Variants in DPYSL5 observed in about 807,000 individuals in gnomAD.
DPYSL5 encodes dihydropyrimidinase like 5.
In DPYSL5, 9 loss-of-function variants were observed where a neutral mutation model predicts 58.4. The ratio of observed to expected loss-of-function variants is 0.15; its 90% CI spans 0.09 to 0.27. DPYSL5 has a LOEUF of 0.27. Among genes scored for constraint, DPYSL5 ranks in the 10% least tolerant of loss-of-function variants. The probability of loss-of-function intolerance (pLI) is 1.00; values close to 1 mark genes in which losing one functional copy is unlikely to be tolerated. For synonymous variants in DPYSL5, 293 were observed against 301.9 expected (o/e 0.97, Z 0.31); for missense variants, 499 against 770.6 (o/e 0.65, Z 4.17).
intron 8 of DPYSL5, among the ~76,000 whole-genome samples, chr2:26,935,996 G>A (rs1665164706): frequency 6.6e-6 from 1 of 152,242 alleles, no homozygotes; most frequent in South Asian, 2.1e-4. Context: ...TCTGCTCCCT[G>A]TGGCTCAGAG....
At position 26,877,891 on chromosome 2, in the gene DPYSL5, A is replaced by G. The variant is rs1460517150; in HGVS notation, c.-4-20605A>G. On this transcript the variant is annotated intron_variant, in intron 1 of 12. Transcript: ENST00000288699. The surrounding 1 kb of genome is among the most constrained non-coding windows in gnomAD (Gnocchi z 4.1). ...CTTTTCAATGGCTGCACAGCCCTCT[A>G]TTGTGTGAATATACCATTATTTATT... Among the ~76,000 whole-genome samples the G allele has an allele frequency of 1.3e-5, 2 of 152,204 alleles. No individual in the cohort carries two copies. The highest frequency in any genetic ancestry group is 2.9e-5 in the Non-Finnish European group (2 of 68,042).
rs1310071519 is a variant in DPYSL5 at position 26,898,547 on chromosome 2, G to A, written c.48G>A (p.Lys16=). Residue 16 remains lysine (K), a synonymous_variant, in exon 2 of 13, where the codon AAG becomes AAA. Transcript: ENST00000288699. The surrounding 1 kb of genome is among the most constrained non-coding windows in gnomAD (Gnocchi z 6.1). ...TGAGGATCCTCATCAAGGGAGGCAAGGTGGTGAACGATGACTGCACCCACG... is the reference window on the plus strand; with the variant it reads ...TGAGGATCCTCATCAAGGGAGGCAAAGTGGTGAACGATGACTGCACCCACG... ...ASVRILIKGG[K]VVNDDCTHEA... 6 of 1,614,104 alleles carry A rather than the reference G, an allele frequency of 3.7e-6. No individual in the cohort carries two copies. The highest frequency in any genetic ancestry group is 5.1e-6 in the Non-Finnish European group (6 of 1,180,046).
intron 1 of DPYSL5, among the ~76,000 whole-genome samples, chr2:26,864,015 G>A (rs1666082073): frequency 6.6e-6 from 1 of 152,080 alleles, no homozygotes; most frequent in African/African-American, 2.4e-5. Context: ...GGCCAAGGTG[G>A]GTGGATCATT....
At chr2:26,881,435 C>G (rs560820437) in intron 1 of DPYSL5, among the ~76,000 whole-genome samples, 1 of 152,330 alleles carries the variant, frequency 6.6e-6, no homozygotes, top group African/African-American at 2.4e-5. Flanking sequence ...GCTCACCCAC[C>G]TTGCTGCTCA....
chr2:26,854,657 C>T (rs980242813), intron 1 of DPYSL5, among the ~76,000 whole-genome samples: 1 of 152,172 alleles, frequency 6.6e-6, no homozygotes, highest in African/African-American at 2.4e-5. Flanking sequence ...GACCTCTTTT[C>T]TCGTCCAGGT....
chr2:26,900,352 T>C (rs934220378), intron 2 of DPYSL5, among the ~76,000 whole-genome samples: 2 of 152,256 alleles, frequency 1.3e-5, no homozygotes, highest in African/African-American at 4.8e-5. Flanking sequence ...GTTTTGTCTA[T>C]GTAGATGAAA....
At chr2:26,940,248 G>A in intron 9 of DPYSL5, 76 bp downstream of exon 9, 5 of 1,540,516 alleles carry the variant, frequency 3.2e-6, no homozygotes, top group Non-Finnish European at 3.5e-6. Context: ...ATCCCAATAA[G>A]AGTATTCACT....
chr2:26,921,232 G>A (rs1479897188), intron 2 of DPYSL5, among the ~76,000 whole-genome samples: 2 of 152,166 alleles, frequency 1.3e-5, no homozygotes, highest in Non-Finnish European at 2.9e-5. Context: ...GGCCTGGCGT[G>A]GTGGCTCACG....
rs769773408 is a variant in DPYSL5, at chr2:26,944,664, G to A, written c.1449G>A (p.Lys483=). The A allele has an allele frequency of 6.2e-7, 1 of 1,613,804 alleles. No homozygotes were observed. Among genetic ancestry groups the A allele is most frequent in the Non-Finnish European group, 8.5e-7 (1 of 1,179,818 alleles). Residue 483 remains lysine (K), a synonymous_variant, in exon 12 of 13, where the codon AAG becomes AAA. Coordinates refer to ENST00000288699, the MANE Select transcript of DPYSL5 (RefSeq NM_020134.4). The surrounding 1 kb of genome is among the most constrained non-coding windows in gnomAD (Gnocchi z 4.4). ...CTTCCATCCTTCCCTAGACTTTAAA[G>A]GTTAGAGGAGTGGACCGCACTCCCT... ...KKLVQREKTL[K]VRGVDRTPYL... is the part of the protein sequence containing the mutation.
intron 1 of DPYSL5, among the ~76,000 whole-genome samples, chr2:26,874,057 T>C (rs1663340857): frequency 6.6e-6 from 1 of 152,254 alleles, no homozygotes; most frequent in African/African-American, 2.4e-5. Context: ...CTTGTATCTT[T>C]TTTGTAGATA....
At chr2:26,904,762 G>T (rs1307735736) in intron 2 of DPYSL5, among the ~76,000 whole-genome samples, 2 of 152,152 alleles carry the variant, frequency 1.3e-5, no homozygotes. Flanking sequence ...AATTAGCCAG[G>T]CGTGGTGGTG....
chr2:26,946,786 T>C (rs1665496797), intron 12 of DPYSL5, 124 bp from the exon 13 acceptor site: 4 of 660,308 alleles, frequency 6.1e-6, no homozygotes, highest in Non-Finnish European at 1.1e-5. Context: ...ATCTATAAGA[T>C]GGGATGGAGT....
intron 1 of DPYSL5, among the ~76,000 whole-genome samples, chr2:26,866,997 A>G (rs1004240109): frequency 3.3e-5 from 5 of 151,834 alleles, no homozygotes; most frequent in Non-Finnish European, 7.4e-5. Flanking sequence ...GCCTCCCAAA[A>G]TGCTGGGATT....
chr2:26,888,614 T>A (rs1663789729), intron 1 of DPYSL5, among the ~76,000 whole-genome samples: 1 of 152,178 alleles, frequency 6.6e-6, no homozygotes, highest in South Asian at 2.1e-4. Flanking sequence ...CTGTCTGGAT[T>A]TTTTCCCATT....
At chr2:26,907,389 C>T (rs537196365) in intron 2 of DPYSL5, among the ~76,000 whole-genome samples, 424 of 152,310 alleles carry the variant, frequency 2.8e-3, no homozygotes, top group African/African-American at 9.8e-3. Flanking sequence ...GCTGGGATTA[C>T]AGGCATGAGC....
At chr2:26,900,958 G>A (rs1664142212) in intron 2 of DPYSL5, among the ~76,000 whole-genome samples, 1 of 152,124 alleles carries the variant, frequency 6.6e-6, no homozygotes, top group Admixed American at 6.5e-5. Flanking sequence ...AAGAGCGACT[G>A]GTTTTCCCCT....
rs1390220345 is a variant in DPYSL5 at position 26,933,157 on chromosome 2, G to T, written c.715-101G>T. The T allele has an allele frequency of 9.9e-7, 1 of 1,012,980 alleles. No homozygotes were observed. The highest frequency in any genetic ancestry group is 1.3e-5 in the South Asian group (1 of 77,490). The allele number at this position is 1,012,980 out of a possible 1,614,324, so 62.7% of individuals were successfully genotyped here. A position where few individuals can be genotyped will look rare whatever the true frequency, so the allele number is the denominator to read the frequency against. Reference sequence around the variant, plus strand: ...TTGAGGGTGGGGTTGAGTGACGCAGGGGGAGGCGCTGGTGCCAGGGCTGAC... The same window carrying T: ...TTGAGGGTGGGGTTGAGTGACGCAGTGGGAGGCGCTGGTGCCAGGGCTGAC... On this transcript the variant is annotated intron_variant, in intron 6 of 12. Coordinates refer to ENST00000288699, the MANE Select transcript of DPYSL5 (RefSeq NM_020134.4). This position sits in a 1 kb window ranked among gnomAD's most constrained non-coding sequence, Gnocchi z 4.2.
chr2:26,933,825 G>A lies in DPYSL5; in HGVS notation c.790+492G>A. On this transcript the variant is annotated intron_variant, in intron 7 of 12. Transcript: ENST00000288699. The surrounding 1 kb of genome is among the most constrained non-coding windows in gnomAD (Gnocchi z 4.2). ...GGGGCACTTGTATGGCTTCTGTTGC[G>A]GATCGCCTGGCAGTACCTAAAGGCT... Among the ~76,000 whole-genome samples the A allele has an allele frequency of 6.6e-6, 1 of 152,036 alleles. No individual in the cohort carries two copies. Among genetic ancestry groups the A allele is most frequent in the East Asian group, 1.9e-4 (1 of 5,180 alleles).
Position 26,948,893 on chromosome 2 carries a change from T to G in DPYSL5, c.*1898T>G, listed in dbSNP as rs1311128381. 1 of 152,384 alleles carries G rather than the reference T, an allele frequency of 6.6e-6. No individual in the cohort carries two copies. Among genetic ancestry groups the G allele is most frequent in the African/African-American group, 2.4e-5 (1 of 41,446 alleles). The allele number at this position is 152,384 out of a possible 1,614,324, so 9.4% of individuals were successfully genotyped here. ...AAACAAAAAAGTCAGCCCCTGCACA[T>G]CTCTGTAGTGCTTTTCATGTATTCA... On this transcript the variant is annotated 3_prime_UTR_variant, in exon 13 of 13. Transcript: ENST00000288699.
Sources: gnomAD v4.1 joint callset for allele counts (sites outside exome capture counted in the v4.1 genomes callset) on GRCh38, gnomAD v4.1.1 for gene constraint, Gnocchi (gnomAD v3.1) non-coding constraint, MANE v1.5 for transcripts, NCBI Gene and HGNC (gene_info 2026-07-23, HGNC 2026-07-21) for gene names.